CTNNA3: variants seen among roughly 807,000 people sequenced by gnomAD.
The protein encoded by CTNNA3 is catenin alpha-3.
In CTNNA3, 76 loss-of-function variants were observed where a neutral mutation model predicts 95.7. That is an observed-to-expected ratio of 0.79 (90% CI 0.66 to 0.96). The LOEUF (loss-of-function observed/expected upper bound fraction) is 0.96, where lower values mean the gene tolerates loss of function less well. CTNNA3 is among the 40% of genes least tolerant of loss of function. The pLI is 0.00. For missense variants in CTNNA3, 1,191 were observed against 1,089.8 expected, an observed-to-expected ratio of 1.09 and a Z score of -1.31; for synonymous variants, 431 against 374.4, an observed-to-expected ratio of 1.15 and a Z score of -1.74.
At chr10:66,815,259 C>T (rs930271266) in intron 7 of CTNNA3, among the ~76,000 whole-genome samples, 19 of 151,906 alleles carry the variant, frequency 1.3e-4, no homozygotes, top group East Asian at 1.2e-3. Context: ...TCTAGAAAAA[C>T]GGTTGAATTT....
chr10:66,355,969 C>T (rs1299138315), intron 12 of CTNNA3, among the ~76,000 whole-genome samples: 1 of 150,540 alleles, frequency 6.6e-6, no homozygotes, highest in Non-Finnish European at 1.5e-5. Flanking sequence ...CTTGGCATTT[C>T]CATCAAGAAT....
At chr10:66,140,862 T>C (rs542590835) in intron 13 of CTNNA3, among the ~76,000 whole-genome samples, 1 of 152,214 alleles carries the variant, frequency 6.6e-6, no homozygotes, top group Non-Finnish European at 1.5e-5. Flanking sequence ...CTTCTTTATG[T>C]TTTTATTTAA....
chr10:66,427,649 CAT>C (rs1406978272), intron 11 of CTNNA3, among the ~76,000 whole-genome samples: 75 of 152,066 alleles, frequency 4.9e-4, no homozygotes, highest in Admixed American at 4.9e-3. Flanking sequence ...GCCATTTCAG[CAT>C]ATGAGTGATA....
At chr10:67,124,366 GT>G (rs1177183667) in intron 7 of CTNNA3, among the ~76,000 whole-genome samples, 1 of 149,442 alleles carries the variant, frequency 6.7e-6, no homozygotes, top group African/African-American at 2.4e-5. Context: ...GTGTGTGTGT[GT>G]GTGTGTGGTC....
rs1853522744 is a variant in CTNNA3 at position 67,028,483 on chromosome 10, A to T, written c.1047+151834T>A. On this transcript the variant is annotated intron_variant, in intron 7 of 17. Transcript: ENST00000433211. ...TCTAGAAGGTAGTACTTGAGAGTGG[A>T]TGGCATCTGGCAAACTAGGAAGTAA... Among the ~76,000 whole-genome samples, 5 of 152,078 alleles carry T rather than the reference A, an allele frequency of 3.3e-5. No individual in the cohort carries two copies. In the South Asian group the frequency reaches 1.0e-3, roughly 31 times the overall value.
At chr10:67,604,112 G>A (rs1843176536) in intron 3 of CTNNA3, among the ~76,000 whole-genome samples, 1 of 152,238 alleles carries the variant, frequency 6.6e-6, no homozygotes, top group Admixed American at 6.5e-5. Context: ...GCCTAGGTGT[G>A]TTGTAGACTA....
intron 4 of CTNNA3, among the ~76,000 whole-genome samples, chr10:67,525,816 T>C (rs746774788): frequency 6.6e-6 from 1 of 152,242 alleles, no homozygotes; most frequent in African/African-American, 2.4e-5. Context: ...CAAGTAGCAT[T>C]GCTCCAAAAC....
chr10:66,118,175 A>G (rs1210094008), intron 13 of CTNNA3: 2 of 152,228 alleles, frequency 1.3e-5, no homozygotes, highest in African/African-American at 2.4e-5. Flanking sequence ...ACAAATAATC[A>G]TTGTAATAAG....
chr10:67,170,690 TTAAA>T (rs1479466615), intron 7 of CTNNA3, among the ~76,000 whole-genome samples: 3 of 152,070 alleles, frequency 2.0e-5, no homozygotes, highest in Non-Finnish European at 4.4e-5. Flanking sequence ...ACTTGGGTGA[TTAAA>T]TAATCTGTAC....
intron 12 of CTNNA3, among the ~76,000 whole-genome samples, chr10:66,360,818 TTTCTTTCTTTC>T (rs200858106): frequency 0.044 from 3,110 of 70,968 alleles, 309 homozygotes; most frequent in East Asian, 0.31. Flanking sequence ...CCTTCCTTCC[TTTCTTTCTTTC>T]TTTCTTTCTT....
At chr10:67,594,590 G>A (rs558347238) in intron 3 of CTNNA3, among the ~76,000 whole-genome samples, 269 of 152,014 alleles carry the variant, frequency 1.8e-3, no homozygotes, top group African/African-American at 6.1e-3. Context: ...CTGTGAGGTT[G>A]ATGGTAATGT....
chr10:66,020,112 T>C lies in CTNNA3; in HGVS notation c.2160-31315A>G, dbSNP rs556888731. Among the ~76,000 whole-genome samples the C allele has an allele frequency of 1.4e-4, 22 of 152,350 alleles. No individual in the cohort carries two copies. In the South Asian group the frequency reaches 4.1e-3, roughly 29 times the overall value. ...AACCATAGTTGAATGTAATTTTCTG[T>C]ATTTCAATTGTGTCAATAAAAATGG... On this transcript the variant is annotated intron_variant, in intron 15 of 17. Transcript: ENST00000433211.
intron 5 of CTNNA3, among the ~76,000 whole-genome samples, chr10:67,442,978 A>T (rs185213705): frequency 0.018 from 2,146 of 120,074 alleles, 69 homozygotes; most frequent in African/African-American, 0.066. Context: ...CCAGAGTGTG[A>T]TGTTCCCCTT....
At chr10:67,261,075 G>C (rs1046610277) in intron 5 of CTNNA3, among the ~76,000 whole-genome samples, 1 of 152,178 alleles carries the variant, frequency 6.6e-6, no homozygotes, top group African/African-American at 2.4e-5. Context: ...CATGTGGTCA[G>C]CCTGTCTATA....
chr10:66,193,670 C>G (rs1465090631), intron 13 of CTNNA3, among the ~76,000 whole-genome samples: 1 of 152,074 alleles, frequency 6.6e-6, no homozygotes, highest in African/African-American at 2.4e-5. Flanking sequence ...AAATAATTAC[C>G]TATTAGTAAT....
chr10:67,483,536 A>T (rs1030351554), intron 5 of CTNNA3, among the ~76,000 whole-genome samples: 1 of 151,500 alleles, frequency 6.6e-6, no homozygotes, highest in Non-Finnish European at 1.5e-5. Context: ...CAAACACCGC[A>T]TGTTCTCACT....
At position 66,692,205 on chromosome 10, in the gene CTNNA3, A is replaced by C. The variant is rs186532246; in HGVS notation, c.1282-70421T>G. On this transcript the variant is annotated intron_variant, in intron 9 of 17. Coordinates refer to ENST00000433211, the MANE Select transcript of CTNNA3 (RefSeq NM_013266.4). Reference sequence around the variant, plus strand: ...ATTCAAACCAAAGGCAAAGAAGTTGAAAACTTTGAAAAAAATTTAGATGAA... The same window carrying C: ...ATTCAAACCAAAGGCAAAGAAGTTGCAAACTTTGAAAAAAATTTAGATGAA... 3.5e-4 allele frequency among the ~76,000 whole-genome samples: 54 copies of C among 152,284 alleles called. 1 individual carries two copies. The highest frequency in any genetic ancestry group is 2.4e-4 in the Non-Finnish European group (16 of 68,026).
intron 7 of CTNNA3, among the ~76,000 whole-genome samples, chr10:66,869,977 T>G (rs894614464): frequency 6.6e-5 from 10 of 152,166 alleles, no homozygotes; most frequent in Non-Finnish European, 1.3e-4. Context: ...CTACTAATAT[T>G]TCACAACACT....
chr10:67,379,744 G>A (rs1051131438), intron 5 of CTNNA3, among the ~76,000 whole-genome samples: 10 of 152,012 alleles, frequency 6.6e-5, no homozygotes, highest in African/African-American at 1.2e-4. Flanking sequence ...TGGAGAGGCC[G>A]GGCGCGGTGG....
Sources: gnomAD v4.1 joint callset for allele counts (sites outside exome capture counted in the v4.1 genomes callset) on GRCh38, gnomAD v4.1.1 for gene constraint, MANE v1.5 for transcripts, NCBI Gene and HGNC (gene_info 2026-07-23, HGNC 2026-07-21) for gene names.